The following ZNF273 variants were observed in gnomAD, a reference collection of about 807,000 sequenced individuals.
The protein encoded by ZNF273 is zinc finger protein 9.
A neutral mutation model predicts 14.9 loss-of-function variants in ZNF273; 11 were observed. That is an observed-to-expected ratio of 0.74 (90% CI 0.46 to 1.22). The LOEUF (loss-of-function observed/expected upper bound fraction) is 1.22, where lower values mean the gene tolerates loss of function less well. Among genes scored for constraint, ZNF273 ranks in the 50% most tolerant of loss-of-function variants. ZNF273 has a pLI of 0.00. For missense variants in ZNF273, 577 were observed against 660.6 expected (o/e 0.87, Z 1.39); for synonymous variants, 199 against 223.9 (o/e 0.89, Z 0.99).
chr7:64,881,502 C>G (rs1292338752), downstream of ZNF273, among the ~76,000 whole-genome samples: 1 of 152,250 alleles, frequency 6.6e-6, no homozygotes, highest in Non-Finnish European at 1.5e-5. Context: ...GGTTTTCCCA[C>G]TTCTATCAGA....
chr7:64,914,164 C>T (rs995246388), intron 1 of ZNF273, among the ~76,000 whole-genome samples: 13 of 141,100 alleles, frequency 9.2e-5, no homozygotes, highest in Non-Finnish European at 1.2e-4. Flanking sequence ...TGCACCACTA[C>T]GTCCTGGTAA....
At chr7:64,900,647 T>A (rs1792650003), upstream of ZNF273, among the ~76,000 whole-genome samples, 3 of 152,096 alleles carry the variant, frequency 2.0e-5, no homozygotes, top group Admixed American at 2.0e-4. Context: ...AGAGAATCCA[T>A]CTGCATAATA....
chr7:64,883,925 A>G (rs1314770129), downstream of ZNF273, among the ~76,000 whole-genome samples: 1 of 152,214 alleles, frequency 6.6e-6, no homozygotes, highest in African/African-American at 2.4e-5. Flanking sequence ...TTTGCGGACT[A>G]GGCAGCTGTG....
chr7:64,900,776 T>G (rs1792660826), upstream of ZNF273, among the ~76,000 whole-genome samples: 1 of 152,196 alleles, frequency 6.6e-6, no homozygotes, highest in Admixed American at 6.5e-5. Flanking sequence ...TTTCATACCC[T>G]ATGTACATCA....
intron 1 of ZNF273, among the ~76,000 whole-genome samples, chr7:64,911,592 G>C (rs1179741923): frequency 6.6e-6 from 1 of 151,184 alleles, no homozygotes; most frequent in African/African-American, 2.4e-5. Flanking sequence ...ATGTTCAGTG[G>C]TAATGTTCAT....
chr7:64,904,628 TC>T (rs1291916633), intron 1 of ZNF273, among the ~76,000 whole-genome samples: 1 of 152,202 alleles, frequency 6.6e-6, no homozygotes, highest in African/African-American at 2.4e-5. Context: ...AATGCCAACT[TC>T]CTCATCCTAA....
chr7:64,903,671 A>G (rs1016892695), intron 1 of ZNF273, among the ~76,000 whole-genome samples: 5 of 152,202 alleles, frequency 3.3e-5, no homozygotes, highest in Admixed American at 2.0e-4. Context: ...CTCCCTGGGC[A>G]GCTCTGCTGC....
At chr7:64,891,081 T>G (rs774983540), downstream of ZNF273, among the ~76,000 whole-genome samples, 3 of 152,080 alleles carry the variant, frequency 2.0e-5, no homozygotes, top group Non-Finnish European at 4.4e-5. Context: ...CAGAAATGAG[T>G]CACAGGTGGG....
chr7:64,919,424 C>T (rs1794271444), intron 3 of ZNF273, among the ~76,000 whole-genome samples: 1 of 152,042 alleles, frequency 6.6e-6, no homozygotes, highest in Non-Finnish European at 1.5e-5. Flanking sequence ...GGGTGGATCA[C>T]TTGAGGTCAG....
Position 64,928,603 on chromosome 7 carries a change from T to C in ZNF273, c.1275T>C (p.Thr425=). Residue 425 remains threonine (T), a synonymous_variant, in exon 4 of 4, where the codon ACT becomes ACC. Coordinates refer to ENST00000476120, the MANE Select transcript of ZNF273 (RefSeq NM_021148.3). ...TTLTKHKRIY[T]KEKPYKCEEC... is the part of the protein sequence containing the mutation. ...TTACTAAACATAAGAGAATTTATAC[T>C]AAAGAGAAACCATACAAATGTGAAG... 3.7e-6 allele frequency: 6 copies of C among 1,613,382 alleles called. No homozygotes were observed. The highest frequency in any genetic ancestry group is 5.1e-6 in the Non-Finnish European group (6 of 1,179,772).
chr7:64,907,128 C>T (rs913111946), intron 1 of ZNF273, among the ~76,000 whole-genome samples: 3 of 152,050 alleles, frequency 2.0e-5, no homozygotes, highest in African/African-American at 7.2e-5. Flanking sequence ...GAAATATTTC[C>T]TCTTAGCCAC....
chr7:64,915,487 G>A (rs952982043), intron 1 of ZNF273, among the ~76,000 whole-genome samples: 9 of 152,214 alleles, frequency 5.9e-5, no homozygotes, highest in Non-Finnish European at 1.3e-4. Context: ...GAAATAAAGG[G>A]ATGGGTTGAA....
chr7:64,911,103 G>T (rs928627667), intron 1 of ZNF273, among the ~76,000 whole-genome samples: 9 of 151,880 alleles, frequency 5.9e-5, no homozygotes, highest in Non-Finnish European at 1.3e-4. Flanking sequence ...GTTTGTTGAA[G>T]GTTTTTTACA....
At chr7:64,887,985 C>A (rs2129038389) in intron 1 of ZNF273, among the ~76,000 whole-genome samples, 1 of 152,172 alleles carries the variant, frequency 6.6e-6, no homozygotes, top group African/African-American at 2.4e-5. Context: ...GGGCATAACC[C>A]CAGCCCCAGG....
intron 1 of ZNF273, among the ~76,000 whole-genome samples, chr7:64,912,832 T>TGTTG (rs1554386326): frequency 0.019 from 1,187 of 61,086 alleles, 108 homozygotes; most frequent in Non-Finnish European, 0.031. Context: ...TTTAGTTTTT[T>TGTTG]TTTTTTTTTT....
rs1333320700 is a variant in ZNF273 at position 64,888,195 on chromosome 7, T to A, written n.274-378T>A. 4 of 708,744 alleles carry A rather than the reference T, an allele frequency of 5.6e-6. No homozygotes were observed. The African/African-American group carries it at 7.7e-5, about 14-fold the overall frequency. 43.9% of individuals were successfully genotyped at this position (708,744 alleles called of 1,614,324 possible). A position where few individuals can be genotyped will look rare whatever the true frequency, so the allele number is the denominator to read the frequency against. ...CCCCGGGGCCCTCATTTCACCCCATTCCCTGAAGCCTGGCTGCTGCTGCTG... is the reference window on the plus strand; with the variant it reads ...CCCCGGGGCCCTCATTTCACCCCATACCCTGAAGCCTGGCTGCTGCTGCTG... On this transcript the variant is annotated intron_variant and non_coding_transcript_variant, in intron 1 of 1. Transcript: ENST00000471926.
At chr7:64,902,721 GAGAAAGAAAAAGAA>G (rs1792808099), upstream of ZNF273, among the ~76,000 whole-genome samples, 1 of 151,972 alleles carries the variant, frequency 6.6e-6, no homozygotes, top group Non-Finnish European at 1.5e-5. Flanking sequence ...GACAGAGAGA[GAGAAAGAAAAAGAA>G]AGAAAGAAAA....
intron 1 of ZNF273, among the ~76,000 whole-genome samples, chr7:64,916,614 G>C (rs1342443336): frequency 1.3e-5 from 2 of 151,608 alleles, no homozygotes; most frequent in East Asian, 1.9e-4. Context: ...CTTGAAGAGG[G>C]CATAAAACTG....
intron 1 of ZNF273, among the ~76,000 whole-genome samples, chr7:64,912,826 G>GTTTTTTGTTTTTTTTTTTTTTT: frequency 2.7e-5 from 1 of 36,576 alleles, no homozygotes; most frequent in East Asian, 6.2e-4. Context: ...ATTCATTTTA[G>GTTTTTTGTTTTTTTTTTTTTTT]TTTTTTTTTT....
Sources: allele counts gnomAD v4.1 joint callset (sites outside exome capture counted in the v4.1 genomes callset), GRCh38; gene constraint gnomAD v4.1.1; transcripts MANE v1.5; gene names NCBI Gene and HGNC (gene_info 2026-07-23, HGNC 2026-07-21).